OR9Q1: variants seen among roughly 807,000 people sequenced by gnomAD.
OR9Q1 encodes the protein olfactory receptor family 9 subfamily Q member 1.
For missense variants in OR9Q1, 374 were observed against 378.8 expected, an observed-to-expected ratio of 0.99 and a Z score of 0.11; for synonymous variants, 153 against 148.6, an observed-to-expected ratio of 1.03 and a Z score of -0.22.
At chr11:58,053,611 A>AAATATATATATAT (rs1853291717) in intron 1 of OR9Q1, among the ~76,000 whole-genome samples, 2 of 6,218 alleles carry the variant, frequency 3.2e-4, no homozygotes, top group Non-Finnish European at 7.2e-4. Flanking sequence ...TAAAATTAAA[A>AAATATATATATAT]AATATATATA....
intron 2 of OR9Q1, among the ~76,000 whole-genome samples, chr11:58,078,035 T>C (rs1853554366): frequency 6.6e-6 from 1 of 152,066 alleles, no homozygotes; most frequent in African/African-American, 2.4e-5. Flanking sequence ...TGCATGCCTG[T>C]AATTCCAGCT....
chr11:58,039,205 T>C (rs1367702125), intron 1 of OR9Q1, among the ~76,000 whole-genome samples: 1 of 152,160 alleles, frequency 6.6e-6, no homozygotes, highest in African/African-American at 2.4e-5. Context: ...GCCAGGCTGC[T>C]CTCAAACTTG....
chr11:58,031,344 G>A (rs1472347389), intron 1 of OR9Q1: 2 of 1,614,150 alleles, frequency 1.2e-6, no homozygotes, highest in South Asian at 2.2e-5. Flanking sequence ...GTGGCCATTT[G>A]TATGCCTCTC....
intron 2 of OR9Q1, among the ~76,000 whole-genome samples, chr11:58,098,194 GT>G (rs779394930): frequency 6.6e-6 from 1 of 152,116 alleles, no homozygotes; most frequent in East Asian, 1.9e-4. Context: ...TGCACCCGGG[GT>G]TTTTTATCCC....
intron 2 of OR9Q1, among the ~76,000 whole-genome samples, chr11:58,063,460 C>T (rs1853399518): frequency 6.6e-6 from 1 of 152,090 alleles, no homozygotes; most frequent in Non-Finnish European, 1.5e-5. Context: ...TGCAAAGGAT[C>T]TAAAAATCAC....
intron 2 of OR9Q1, among the ~76,000 whole-genome samples, chr11:58,110,844 G>A (rs1853892795): frequency 6.6e-6 from 1 of 152,098 alleles, no homozygotes; most frequent in African/African-American, 2.4e-5. Context: ...GCTACTGATT[G>A]TTCTGGACTG....
intron 2 of OR9Q1, among the ~76,000 whole-genome samples, chr11:58,092,150 G>A (rs1398976599): frequency 6.6e-6 from 1 of 151,990 alleles, no homozygotes; most frequent in Non-Finnish European, 1.5e-5. Context: ...TTACATTTAA[G>A]GTTAATATTG....
intron 2 of OR9Q1, among the ~76,000 whole-genome samples, chr11:58,065,924 TC>T (rs1309266586): frequency 6.6e-6 from 1 of 152,138 alleles, no homozygotes; most frequent in Non-Finnish European, 1.5e-5. Context: ...GTGGATTCAG[TC>T]CCTCACTGTG....
At chr11:58,036,641 A>G (rs1281726511) in intron 1 of OR9Q1, among the ~76,000 whole-genome samples, 1 of 152,210 alleles carries the variant, frequency 6.6e-6, no homozygotes, top group Non-Finnish European at 1.5e-5. Context: ...AGGAGTTTGG[A>G]ATAAGTTGAT....
chr11:58,071,671 C>T (rs562156951), intron 2 of OR9Q1, among the ~76,000 whole-genome samples: 89 of 152,158 alleles, frequency 5.8e-4, no homozygotes, highest in Non-Finnish European at 4.4e-4. Context: ...CAACATACTA[C>T]GAGAACAAAC....
Position 58,067,913 on chromosome 11 carries a change from A to T in OR9Q1, c.-15+11966A>T, listed in dbSNP as rs140787707. Among the ~76,000 whole-genome samples the T allele has an allele frequency of 4.5e-3, 681 of 152,326 alleles. 3 individuals carry two copies. In the Middle Eastern group the frequency reaches 0.048, roughly 11 times the overall value. ...TGCCAACTTGCTGGATGAGGCATTGATGCAGCTGGGCTGCTGAGTGTTTTG... is the reference window on the plus strand; with the variant it reads ...TGCCAACTTGCTGGATGAGGCATTGTTGCAGCTGGGCTGCTGAGTGTTTTG... On this transcript the variant is annotated intron_variant, in intron 2 of 2. Coordinates refer to ENST00000335397, the MANE Select transcript of OR9Q1 (RefSeq NM_001005212.4).
intron 1 of OR9Q1, among the ~76,000 whole-genome samples, chr11:58,025,059 CA>C (rs1852957928): frequency 6.6e-6 from 1 of 152,098 alleles, no homozygotes; most frequent in South Asian, 2.1e-4. Context: ...GCGTGAAAAC[CA>C]AGACAAATAA....
intron 2 of OR9Q1, among the ~76,000 whole-genome samples, chr11:58,138,920 C>A (rs989242863): frequency 2.0e-5 from 3 of 152,102 alleles, no homozygotes; most frequent in Admixed American, 1.3e-4. Context: ...CCATTTCACC[C>A]CCCAACCTCT....
intron 2 of OR9Q1, among the ~76,000 whole-genome samples, 177 bp downstream of exon 2, chr11:58,056,124 GCTCT>G (rs1266973605): frequency 2.6e-5 from 4 of 152,080 alleles, no homozygotes; most frequent in African/African-American, 9.7e-5. Flanking sequence ...TTAACAACTG[GCTCT>G]CTAAGAAAGG....
rs1215149792 is a variant in OR9Q1, at chr11:58,116,649, TC to T, written c.-15+60703del. 8 of 152,336 alleles carry T rather than the reference TC, an allele frequency of 5.3e-5. 2 individuals are homozygous for T. The East Asian group carries it at 1.5e-3, about 29-fold the overall frequency. 9.4% of individuals were successfully genotyped at this position (152,336 alleles called of 1,614,324 possible). A position where few individuals can be genotyped will look rare whatever the true frequency, so the allele number is the denominator to read the frequency against. The stretch of plus-strand genomic sequence containing the variant: ...ATACATTTAGTAGCTATTTGGATAT[TC>T]TTCACCTTGGTCAACCTGGTTTTCT... On this transcript the variant is annotated intron_variant, in intron 2 of 2. Transcript: ENST00000335397.
chr11:58,026,976 G>T (rs1262138138), intron 1 of OR9Q1, among the ~76,000 whole-genome samples: 1 of 152,176 alleles, frequency 6.6e-6, no homozygotes, highest in African/African-American at 2.4e-5. Flanking sequence ...GTCTCTCAAA[G>T]AATGCAATTT....
intron 2 of OR9Q1, among the ~76,000 whole-genome samples, chr11:58,106,264 T>C (rs541457916): frequency 6.6e-6 from 1 of 152,168 alleles, no homozygotes; most frequent in South Asian, 2.1e-4. Context: ...GAGCACCTTT[T>C]AATATACCTG....
chr11:58,102,273 A>G (rs1853791908), intron 2 of OR9Q1, among the ~76,000 whole-genome samples: 2 of 138,024 alleles, frequency 1.4e-5, no homozygotes, highest in African/African-American at 2.7e-5. Flanking sequence ...TACCCTTTTT[A>G]ACTTTTTTCC....
At chr11:58,140,773 G>C (rs1165717976) in intron 2 of OR9Q1, among the ~76,000 whole-genome samples, 1 of 152,002 alleles carries the variant, frequency 6.6e-6, no homozygotes, top group Non-Finnish European at 1.5e-5. Flanking sequence ...AATGCGGGCT[G>C]TTTTTTGGTT....
Sources: gnomAD v4.1 joint callset for allele counts (sites outside exome capture counted in the v4.1 genomes callset) on GRCh38, gnomAD v4.1.1 for gene constraint, MANE v1.5 for transcripts, NCBI Gene and HGNC (gene_info 2026-07-23, HGNC 2026-07-21) for gene names.